USH2A: variants seen among roughly 807,000 people sequenced by gnomAD.
USH2A encodes the protein usherin.
A neutral mutation model predicts 538.9 loss-of-function variants in USH2A; 443 were observed. The ratio of observed to expected loss-of-function variants is 0.82; its 90% CI spans 0.76 to 0.89. The LOEUF (loss-of-function observed/expected upper bound fraction) is 0.89, where lower values mean the gene tolerates loss of function less well. Among genes scored for constraint, USH2A ranks in the 40% least tolerant of loss-of-function variants. The probability of loss-of-function intolerance (pLI) is 0.00; values close to 1 mark genes in which losing one functional copy is unlikely to be tolerated. For synonymous variants in USH2A, 2,413 were observed against 2,273.5 expected (o/e 1.06, Z -1.75); for missense variants, 6,633 against 6,324.8 (o/e 1.05, Z -1.65).
chr1:216,188,838 G>T (rs1417204821), intron 20 of USH2A, among the ~76,000 whole-genome samples: 1 of 151,788 alleles, frequency 6.6e-6, no homozygotes, highest in East Asian at 1.9e-4. Context: ...CACGTGCTTG[G>T]GATCCCTATG....
At chr1:216,183,075 C>A (rs2034525056) in intron 20 of USH2A, among the ~76,000 whole-genome samples, 1 of 152,048 alleles carries the variant, frequency 6.6e-6, no homozygotes, top group Admixed American at 6.6e-5. Context: ...TTTATCACAG[C>A]CACTTTCTTA....
intron 44 of USH2A, among the ~76,000 whole-genome samples, chr1:215,864,329 T>C (rs1664414176): frequency 6.6e-6 from 1 of 152,186 alleles, no homozygotes; most frequent in Non-Finnish European, 1.5e-5. Flanking sequence ...GAGGATTGTA[T>C]AAATAATTTA....
At chr1:215,630,214 A>C (rs1414287981) in intron 70 of USH2A, 2 of 467,452 alleles carry the variant, frequency 4.3e-6, no homozygotes, top group South Asian at 3.0e-5. Context: ...GTAACTTTTT[A>C]GGGTGACATT....
At chr1:215,661,477 A>T (rs1365270529) in intron 64 of USH2A, among the ~76,000 whole-genome samples, 1 of 152,076 alleles carries the variant, frequency 6.6e-6, no homozygotes, top group Non-Finnish European at 1.5e-5. Context: ...GTACTTCAAC[A>T]TCCCTTATTG....
chr1:215,675,116 A>G lies in USH2A; in HGVS notation c.12795T>C (p.Gly4265=), dbSNP rs1328570546. The G allele has an allele frequency of 3.7e-6, 6 of 1,613,880 alleles. No individual in the cohort carries two copies. In the Admixed American group the frequency reaches 5.0e-5, roughly 13 times the overall value. ...VVRTLQAPPE[G]LSPPVISYVS... ...CATAGGATATCACAGGTGGAGAGAG[A>G]CCTTCTGGAGGTGCTTGCAATGTCC... Residue 4265 remains glycine, a synonymous_variant, in exon 63 of 72, where the codon GGT becomes GGC. Coordinates refer to ENST00000307340, the MANE Select transcript of USH2A (RefSeq NM_206933.4).
chr1:215,828,015 C>T (rs1442800023), intron 47 of USH2A, among the ~76,000 whole-genome samples: 3 of 152,084 alleles, frequency 2.0e-5, no homozygotes, highest in Non-Finnish European at 4.4e-5. Flanking sequence ...AGAAGAGATT[C>T]CCTGATATCT....
chr1:215,801,349 T>C (rs1156241743), intron 49 of USH2A, among the ~76,000 whole-genome samples: 1 of 151,098 alleles, frequency 6.6e-6, no homozygotes, highest in Non-Finnish European at 1.5e-5. Flanking sequence ...CAAAACTATG[T>C]GTTCTCAGAC....
intron 9 of USH2A, among the ~76,000 whole-genome samples, chr1:216,307,927 G>A (rs993679238): frequency 1.3e-5 from 2 of 152,054 alleles, no homozygotes; most frequent in Non-Finnish European, 2.9e-5. Flanking sequence ...ACAGTTTTTC[G>A]GCTGTCTCCT....
At chr1:216,291,332 A>G (rs1008008976) in intron 10 of USH2A, among the ~76,000 whole-genome samples, 1 of 152,122 alleles carries the variant, frequency 6.6e-6, no homozygotes, top group Non-Finnish European at 1.5e-5. Flanking sequence ...TTAGTTCACC[A>G]TCCTAATCTT....
chr1:216,141,368 C>T (rs933783256), intron 21 of USH2A, among the ~76,000 whole-genome samples: 4 of 152,194 alleles, frequency 2.6e-5, no homozygotes, highest in Non-Finnish European at 4.4e-5. Flanking sequence ...AAGGCTGGCA[C>T]CCTAGCGAGC....
At chr1:215,947,024 A>T (rs532045141) in intron 37 of USH2A, among the ~76,000 whole-genome samples, 1 of 149,426 alleles carries the variant, frequency 6.7e-6, no homozygotes, top group Non-Finnish European at 1.5e-5. Context: ...GATAGATTGT[A>T]TTAAATAAGG....
At chr1:216,027,626 C>T (rs568748986) in intron 32 of USH2A, among the ~76,000 whole-genome samples, 1 of 152,184 alleles carries the variant, frequency 6.6e-6, no homozygotes, top group Non-Finnish European at 1.5e-5. Flanking sequence ...AAATGGCCCC[C>T]TCTTTATCAA....
intron 67 of USH2A, among the ~76,000 whole-genome samples, chr1:215,644,320 T>G (rs192416368): frequency 8.0e-4 from 122 of 152,156 alleles, no homozygotes; most frequent in African/African-American, 2.9e-3. Context: ...CAGAGGGAGA[T>G]GTCTGTGAGG....
intron 4 of USH2A, among the ~76,000 whole-genome samples, chr1:216,363,308 T>A (rs2038531976): frequency 6.6e-6 from 1 of 152,168 alleles, no homozygotes; most frequent in Admixed American, 6.6e-5. Context: ...TACATGACAT[T>A]GCTTCATTTG....
chr1:215,797,410 G>A (rs773855369), intron 50 of USH2A, among the ~76,000 whole-genome samples: 1 of 152,160 alleles, frequency 6.6e-6, no homozygotes, highest in Non-Finnish European at 1.5e-5. Context: ...AAATAGCCTT[G>A]TACTGGAAGA....
In USH2A at chr1:215,948,437, T is replaced by TAC. The variant is rs1313137926; in HGVS notation, c.7121-13643_7121-13642insGT. ...TCATATTTGTTCAGATATATATATA[T>TAC]ATATATACACACACACACACACACA... On this transcript the variant is annotated intron_variant, in intron 37 of 71. Coordinates refer to ENST00000307340, the MANE Select transcript of USH2A (RefSeq NM_206933.4). 4.6e-3 allele frequency among the ~76,000 whole-genome samples: 679 copies of TAC among 147,564 alleles called. 7 individuals carry two copies. Among genetic ancestry groups the TAC allele is most frequent in the African/African-American group, 0.016 (623 of 39,754 alleles).
chr1:216,388,794 G>A (rs1192555129), intron 3 of USH2A, among the ~76,000 whole-genome samples: 1 of 152,216 alleles, frequency 6.6e-6, no homozygotes, highest in African/African-American at 2.4e-5. Flanking sequence ...ACTTGCTGAA[G>A]CTCTTGACAA....
At chr1:215,843,213 T>C (rs1663734260) in intron 46 of USH2A, among the ~76,000 whole-genome samples, 1 of 152,192 alleles carries the variant, frequency 6.6e-6, no homozygotes, top group African/African-American at 2.4e-5. Context: ...TCTGTGGTCA[T>C]ATAAAATTTC....
chr1:216,420,294 T>C (rs559856216), intron 2 of USH2A, among the ~76,000 whole-genome samples: 52 of 152,124 alleles, frequency 3.4e-4, no homozygotes, highest in Non-Finnish European at 6.5e-4. Context: ...ATGTTATTGA[T>C]TATCTTCCTT....
Sources: allele counts gnomAD v4.1 joint callset (sites outside exome capture counted in the v4.1 genomes callset), GRCh38; gene constraint gnomAD v4.1.1; transcripts MANE v1.5; gene names NCBI Gene and HGNC (gene_info 2026-07-23, HGNC 2026-07-21).